ORAI2: variants seen among roughly 807,000 people sequenced by gnomAD.
ORAI2 encodes protein orai-2.
Under a neutral mutation model 16.2 loss-of-function variants are expected in ORAI2, and 10 were observed. The ratio of observed to expected loss-of-function variants is 0.62; its 90% CI spans 0.38 to 1.04. The LOEUF is 1.04. ORAI2 is among the 50% of genes least tolerant of loss of function. The probability of loss-of-function intolerance (pLI) is 0.01; values close to 1 mark genes in which losing one functional copy is unlikely to be tolerated. For synonymous variants in ORAI2, 150 were observed against 157.5 expected (o/e 0.95, Z 0.35); for missense variants, 238 against 355.5 (o/e 0.67, Z 2.66).
chr7:102,445,164 C>CATGCCTCCTTTCCACAGCT (rs1563637715), intron 3 of ORAI2, among the ~76,000 whole-genome samples: 87 of 151,594 alleles, frequency 5.7e-4, no homozygotes, highest in East Asian at 9.7e-4. Flanking sequence ...GATGCCGGCT[C>CATGCCTCCTTTCCACAGCT]TCACTGGGCT....
chr7:102,451,373 T>C lies in ORAI2; in HGVS notation c.*4321T>C, dbSNP rs1231252922. 1 of 152,088 alleles carries C rather than the reference T, an allele frequency of 6.6e-6. No individual in the cohort carries two copies. The highest frequency in any genetic ancestry group is 1.5e-5 in the Non-Finnish European group (1 of 68,036). 9.4% of individuals were successfully genotyped at this position (152,088 alleles called of 1,614,324 possible). On this transcript the variant is annotated 3_prime_UTR_variant, in exon 4 of 4. Transcript: ENST00000495936. Reference sequence around the variant, plus strand: ...CCACCTGTTTCAAAACGCAGGTGTTTCTGGTTTAGAAACTTGGAAGGCGGA... The same window carrying C: ...CCACCTGTTTCAAAACGCAGGTGTTCCTGGTTTAGAAACTTGGAAGGCGGA...
intron 1 of ORAI2, among the ~76,000 whole-genome samples, chr7:102,434,121 C>CAAAAAAAAAAAA (rs55642836): frequency 1.5e-5 from 1 of 67,004 alleles, no homozygotes; most frequent in African/African-American, 5.6e-5. Flanking sequence ...CTCATTAAAG[C>CAAAAAAAAAAAA]AAAAAAAAAA....
chr7:102,440,558 G>T (rs1351194257), intron 3 of ORAI2, among the ~76,000 whole-genome samples: 2 of 152,136 alleles, frequency 1.3e-5, no homozygotes, highest in Non-Finnish European at 2.9e-5. Flanking sequence ...TTAGAGACAG[G>T]GTCCCACTCT....
intron 3 of ORAI2, among the ~76,000 whole-genome samples, chr7:102,445,871 TTTTCTTTCTCTCTC>T (rs994646705): frequency 6.6e-5 from 10 of 151,274 alleles, no homozygotes; most frequent in East Asian, 3.9e-4. Flanking sequence ...TTTCTTTTTC[TTTTCTTTCTCTCTC>T]TTTCTTTCTC....
intron 3 of ORAI2, among the ~76,000 whole-genome samples, chr7:102,445,911 CTCTT>C (rs1024768793): frequency 1.4e-4 from 21 of 146,618 alleles, no homozygotes; most frequent in Non-Finnish European, 2.4e-4. Flanking sequence ...CTCTTTCTCT[CTCTT>C]TCTTTCTTTC....
rs1191770260 is a variant in ORAI2, at chr7:102,439,035, C to T, written c.79C>T (p.Arg27Trp). Residue 27 changes from arginine to tryptophan, a missense_variant, in exon 3 of 4, where the codon CGG becomes TGG. By Grantham distance (101) the Arg-to-Trp change is moderately radical (BLOSUM62 -3). Transcript: ENST00000495936. ...PEPGHKGMDY[R>W]DWVRRSYLEL... Reference sequence around the variant, plus strand: ...GCCCGGCCATAAGGGCATGGATTACCGGGACTGGGTCCGCCGCAGCTACCT... The same window carrying T: ...GCCCGGCCATAAGGGCATGGATTACTGGGACTGGGTCCGCCGCAGCTACCT... The T allele has an allele frequency of 5.0e-6, 8 of 1,614,054 alleles. No individual in the cohort carries two copies. Among genetic ancestry groups the T allele is most frequent in the Non-Finnish European group, 6.8e-6 (8 of 1,180,034 alleles).
intron 2 of ORAI2, 68 bp from the exon 3 acceptor site, chr7:102,438,876 C>T: frequency 6.7e-7 from 1 of 1,483,452 alleles, no homozygotes; most frequent in Non-Finnish European, 9.4e-7. Context: ...GTTGAATGGG[C>T]TTGGAGTCTA....
At chr7:102,441,700 T>G (rs571568603) in intron 3 of ORAI2, among the ~76,000 whole-genome samples, 1 of 151,982 alleles carries the variant, frequency 6.6e-6, no homozygotes. Flanking sequence ...ATTTTTGACC[T>G]GCGGTTGGTT....
intron 3 of ORAI2, among the ~76,000 whole-genome samples, chr7:102,442,817 C>T (rs1797240360): frequency 6.6e-6 from 1 of 150,846 alleles, no homozygotes; most frequent in Admixed American, 6.6e-5. Flanking sequence ...GAACATGCCA[C>T]TGCACTCCAC....
intron 3 of ORAI2, among the ~76,000 whole-genome samples, chr7:102,443,899 G>T (rs925157823): frequency 1.3e-5 from 2 of 151,950 alleles, no homozygotes; most frequent in African/African-American, 2.4e-5. Flanking sequence ...TAGAGATGGG[G>T]TTTTACCATG....
At chr7:102,443,847 C>T (rs1797276902) in intron 3 of ORAI2, among the ~76,000 whole-genome samples, 2 of 152,142 alleles carry the variant, frequency 1.3e-5, no homozygotes, top group Non-Finnish European at 2.9e-5. Context: ...GTTGGGATTA[C>T]AGGCACCCAC....
chr7:102,448,279 C>CG lies in ORAI2; in HGVS notation c.*1228dup. On this transcript the variant is annotated 3_prime_UTR_variant, in exon 4 of 4. Transcript: ENST00000495936. ...TTTCCTTGAAGGCATCTGGTAGACCCGAAGCCACGCTCTCGGGCCGCACAT... is the reference window on the plus strand; with the variant it reads ...TTTCCTTGAAGGCATCTGGTAGACCCGGAAGCCACGCTCTCGGGCCGCACAT... 1 of 152,422 alleles carries CG rather than the reference C, an allele frequency of 6.6e-6. No homozygotes were observed. Among genetic ancestry groups the CG allele is most frequent in the Non-Finnish European group, 1.5e-5 (1 of 68,080 alleles). The allele number at this position is 152,422 out of a possible 1,614,324, so 9.4% of individuals were successfully genotyped here. A position where few individuals can be genotyped will look rare whatever the true frequency, so the allele number is the denominator to read the frequency against.
rs746348468 is a variant in ORAI2 at position 102,446,626 on chromosome 7, C to T, written c.339C>T (p.Leu113=). ...VLVAVHLFAL[L]ISTCILPNVE... Reference sequence around the variant, plus strand: ...TGGCCGTGCACCTGTTCGCCCTCCTCATCAGCACCTGCATCCTGCCCAATG... The same window carrying T: ...TGGCCGTGCACCTGTTCGCCCTCCTTATCAGCACCTGCATCCTGCCCAATG... The change falls in exon 4 of 4, where the codon CTC becomes CTT. Residue 113 remains leucine (L), a synonymous_variant. Coordinates refer to ENST00000495936, the MANE Select transcript of ORAI2 (RefSeq NM_001126340.3). The T allele has an allele frequency of 4.3e-6, 7 of 1,613,958 alleles. No homozygotes were observed. Among genetic ancestry groups the T allele is most frequent in the Non-Finnish European group, 5.1e-6 (6 of 1,180,052 alleles).
chr7:102,454,988 G>C lies in ORAI2; in HGVS notation c.*7936G>C, dbSNP rs1449811528. 1 of 153,656 alleles carries C rather than the reference G, an allele frequency of 6.5e-6. No homozygotes were observed. Among genetic ancestry groups the C allele is most frequent in the Non-Finnish European group, 1.4e-5 (1 of 69,184 alleles). 9.5% of individuals were successfully genotyped at this position (153,656 alleles called of 1,614,324 possible). On this transcript the variant is annotated 3_prime_UTR_variant, in exon 4 of 4. Transcript: ENST00000495936. ...GCCCAGGAGTTTGAGACCAGCCTGG[G>C]CAACATAGCAAGACTCTATCTCCAC...
intron 2 of ORAI2, among the ~76,000 whole-genome samples, chr7:102,438,025 G>A (rs1261403731): frequency 1.3e-5 from 2 of 152,064 alleles, no homozygotes; most frequent in African/African-American, 4.8e-5. Context: ...CTCCAGCCTG[G>A]GCAACAGAAT....
intron 3 of ORAI2, among the ~76,000 whole-genome samples, chr7:102,444,620 G>C (rs1291667659): frequency 6.7e-6 from 1 of 148,544 alleles, no homozygotes; most frequent in Non-Finnish European, 1.5e-5. Context: ...GTCTAGGAGG[G>C]AAACAGTGGA....
In ORAI2 at chr7:102,449,000, G is replaced by A. The variant is rs1334110847; in HGVS notation, c.*1948G>A. ...TGGAATTCTGGGTGGCCTGGCTGGG[G>A]TCTCTGGAAATGTGGCTGCAGCAGA... On this transcript the variant is annotated 3_prime_UTR_variant, in exon 4 of 4. Coordinates refer to ENST00000495936, the MANE Select transcript of ORAI2 (RefSeq NM_001126340.3). 1.3e-5 allele frequency: 2 copies of A among 152,358 alleles called. No homozygotes were observed. The highest frequency in any genetic ancestry group is 1.9e-4 in the East Asian group (1 of 5,194). The allele number at this position is 152,358 out of a possible 1,614,324, so 9.4% of individuals were successfully genotyped here.
chr7:102,441,186 C>T (rs757470521), intron 3 of ORAI2, among the ~76,000 whole-genome samples: 70 of 151,088 alleles, frequency 4.6e-4, no homozygotes, highest in Non-Finnish European at 8.1e-4. Context: ...AGCCACCGTG[C>T]CCAGCCTCTA....
chr7:102,447,022 C>G lies in ORAI2; in HGVS notation c.735C>G (p.Asp245Glu), dbSNP rs760784577. 2.6e-6 allele frequency: 4 copies of G among 1,557,502 alleles called. No homozygotes were observed. The change falls in exon 4 of 4, where the codon GAC becomes GAG. Residue 245 changes from aspartate (D) to glutamate (E), a missense_variant. By Grantham distance (45) the Asp-to-Glu change is conservative (BLOSUM62 2). Around this residue, in one of 3 missense-constraint regions of ORAI2, gnomAD observed 176 missense variants for 265.9 expected, o/e 0.66. Coordinates refer to ENST00000495936, the MANE Select transcript of ORAI2 (RefSeq NM_001126340.3). Reference sequence around the variant, plus strand: ...TCCACAAGCTCAAGGTCCAGCTGGACGGGCATGAGCGCAGCCTGCAGGTCT... The same window carrying G: ...TCCACAAGCTCAAGGTCCAGCTGGAGGGGCATGAGCGCAGCCTGCAGGTCT... ...EELHKLKVQL[D>E]GHERSLQVL
Sources: allele counts gnomAD v4.1 joint callset (sites outside exome capture counted in the v4.1 genomes callset), GRCh38; gene constraint gnomAD v4.1.1; regional missense constraint gnomAD v4.1.1; transcripts MANE v1.5; gene names NCBI Gene and HGNC (gene_info 2026-07-23, HGNC 2026-07-21).